The following SYNE1 variants were observed in gnomAD, a reference collection of about 807,000 sequenced individuals.
The protein encoded by SYNE1 is nesprin-1.
In SYNE1, 616 loss-of-function variants were observed where a neutral mutation model predicts 1,111.0. That is an observed-to-expected ratio of 0.55 (90% CI 0.52 to 0.59). The LOEUF (loss-of-function observed/expected upper bound fraction) is 0.59. Among genes scored for constraint, SYNE1 ranks in the 20% least tolerant of loss-of-function variants. SYNE1 has a pLI of 0.00. For missense variants in SYNE1, 10,006 were observed against 10,417.0 expected (o/e 0.96, Z 1.72); for synonymous variants, 3,855 against 3,825.8 (o/e 1.01, Z -0.28).
intron 87 of SYNE1, among the ~76,000 whole-genome samples, chr6:152,312,992 T>A (rs1327102572): frequency 6.6e-6 from 1 of 152,192 alleles, no homozygotes; most frequent in Non-Finnish European, 1.5e-5. Context: ...AAAGAACGGC[T>A]ACTCCATTGA....
chr6:152,513,647 G>A (rs1564568065), intron 6 of SYNE1, among the ~76,000 whole-genome samples: 2 of 152,164 alleles, frequency 1.3e-5, no homozygotes, highest in East Asian at 1.9e-4. Flanking sequence ...TGAGATTAGT[G>A]TTCTTAAAAA....
intron 127 of SYNE1, among the ~76,000 whole-genome samples, chr6:152,197,911 T>C (rs1048772124): frequency 1.3e-5 from 2 of 152,162 alleles, no homozygotes; most frequent in Admixed American, 6.5e-5. Flanking sequence ...TGACTTCTTT[T>C]AAGCTATTAA....
At chr6:152,374,545 G>C (rs978024018) in intron 58 of SYNE1, among the ~76,000 whole-genome samples, 6 of 152,078 alleles carry the variant, frequency 3.9e-5, no homozygotes, top group African/African-American at 1.2e-4. Context: ...AGGCCGAGGC[G>C]GGCACATCAG....
intron 4 of SYNE1, among the ~76,000 whole-genome samples, chr6:152,534,551 G>T (rs113548258): frequency 0.022 from 3,387 of 152,216 alleles, 109 homozygotes; most frequent in African/African-American, 0.075. Context: ...ATTGTGAAAT[G>T]ATTAAATCAA....
At chr6:152,143,030 C>T (rs2058795802) in intron 138 of SYNE1, among the ~76,000 whole-genome samples, 3 of 152,158 alleles carry the variant, frequency 2.0e-5, no homozygotes, top group South Asian at 2.1e-4. Flanking sequence ...GTCAGTAACT[C>T]GAGTAGGGCA....
At position 152,180,302 on chromosome 6, in the gene SYNE1, G is replaced by A. The variant is rs376491803; in HGVS notation, c.23302-8C>T. 2.9e-5 allele frequency: 46 copies of A among 1,613,670 alleles called. No homozygotes were observed. Among genetic ancestry groups the A allele is most frequent in the Middle Eastern group, 3.3e-4 (2 of 6,082 alleles). On this transcript the variant is annotated splice_polypyrimidine_tract_variant and splice_region_variant and intron_variant, in intron 128 of 145. Transcript: ENST00000367255. ...CTGCCGCCTTAAGGAGAGCTGAAAA[G>A]TTTAAAATGGGAGAATAGGCAAAAT...
At chr6:152,217,263 G>A (rs2153449993) in intron 121 of SYNE1, among the ~76,000 whole-genome samples, 1 of 150,970 alleles carries the variant, frequency 6.6e-6, no homozygotes, top group African/African-American at 2.4e-5. Flanking sequence ...AGGCGTGGTG[G>A]ACAGTACCTG....
chr6:152,321,621 T>A (rs986829149), intron 83 of SYNE1, 100 bp downstream of exon 83: 56 of 1,471,452 alleles, frequency 3.8e-5, no homozygotes, highest in Non-Finnish European at 4.6e-5. Flanking sequence ...TGAAATTTTT[T>A]AATTCAATAT....
chr6:152,607,144 C>T (rs1341513491), intron 3 of SYNE1, among the ~76,000 whole-genome samples: 1 of 150,526 alleles, frequency 6.6e-6, no homozygotes, highest in African/African-American at 2.5e-5. Context: ...GCCACCACGC[C>T]TGGCTAATTT....
At chr6:152,145,288 T>C in intron 137 of SYNE1, 1 of 635,154 alleles carries the variant, frequency 1.6e-6, no homozygotes. Flanking sequence ...GAGAAGTTAC[T>C]TTATTTCGCT....
At chr6:152,502,205 TC>T (rs2099033620) in intron 10 of SYNE1, among the ~76,000 whole-genome samples, 1 of 151,698 alleles carries the variant, frequency 6.6e-6, no homozygotes, top group South Asian at 2.1e-4. Context: ...ACAAATTGCG[TC>T]TTACTTCCAT....
intron 11 of SYNE1, among the ~76,000 whole-genome samples, chr6:152,494,284 T>C (rs1229738108): frequency 6.6e-6 from 1 of 152,178 alleles, no homozygotes; most frequent in Non-Finnish European, 1.5e-5. Flanking sequence ...CACTATTTGT[T>C]GAATCTCCCA....
At chr6:152,235,280 A>G (rs992601237) in intron 110 of SYNE1, among the ~76,000 whole-genome samples, 1 of 152,196 alleles carries the variant, frequency 6.6e-6, no homozygotes, top group Non-Finnish European at 1.5e-5. Flanking sequence ...CTCAAAGGTA[A>G]GGTGCCTTAT....
At chr6:152,327,583 A>C (rs761606410) in intron 78 of SYNE1, among the ~76,000 whole-genome samples, 2 of 152,206 alleles carry the variant, frequency 1.3e-5, no homozygotes, top group Non-Finnish European at 2.9e-5. Context: ...AAGTACCCAT[A>C]AGATGAGCAC....
In SYNE1 at chr6:152,220,233, C is replaced by T. The variant is rs138237066; in HGVS notation, c.21861+609G>A. Among the ~76,000 whole-genome samples, 708 of 152,222 alleles carry T rather than the reference C, an allele frequency of 4.7e-3. 6 individuals are homozygous for T. Among genetic ancestry groups the T allele is most frequent in the African/African-American group, 0.016 (644 of 41,514 alleles). ...TTGGAAAAGTTTATAAAAAGATCCT[C>T]GTAACAAGCTCTTAAAAATAAAGAC... On this transcript the variant is annotated intron_variant, in intron 119 of 145. Coordinates refer to ENST00000367255, the MANE Select transcript of SYNE1 (RefSeq NM_182961.4).
At chr6:152,334,653 T>C (rs1563155461) in intron 76 of SYNE1, among the ~76,000 whole-genome samples, 1 of 152,230 alleles carries the variant, frequency 6.6e-6, no homozygotes, top group Non-Finnish European at 1.5e-5. Flanking sequence ...AAATTTATTC[T>C]TAAACTAAGG....
intron 103 of SYNE1, among the ~76,000 whole-genome samples, chr6:152,255,380 T>C (rs527744903): frequency 6.6e-5 from 10 of 152,354 alleles, no homozygotes; most frequent in African/African-American, 2.4e-4. Flanking sequence ...TAACAGTGTT[T>C]CTACAAAGAG....
At chr6:152,448,351 C>A (rs1052035568) in intron 28 of SYNE1, among the ~76,000 whole-genome samples, 1 of 152,170 alleles carries the variant, frequency 6.6e-6, no homozygotes, top group Non-Finnish European at 1.5e-5. Flanking sequence ...CCAACCAGGG[C>A]CACTCCAGGG....
intron 2 of SYNE1, among the ~76,000 whole-genome samples, chr6:152,632,546 T>A (rs532867895): frequency 1.3e-5 from 2 of 152,090 alleles, no homozygotes; most frequent in Non-Finnish European, 2.9e-5. Flanking sequence ...TCCCAGCTAG[T>A]TGGGTGATTT....
Sources: allele counts gnomAD v4.1 joint callset (sites outside exome capture counted in the v4.1 genomes callset), GRCh38; gene constraint gnomAD v4.1.1; transcripts MANE v1.5; gene names NCBI Gene and HGNC (gene_info 2026-07-23, HGNC 2026-07-21).